RP1: variants seen among roughly 807,000 people sequenced by gnomAD.
RP1 encodes oxygen-regulated protein 1.
In RP1, 16 loss-of-function variants were observed where a neutral mutation model predicts 14.8. The ratio of observed to expected loss-of-function variants is 1.08; its 90% CI spans 0.73 to 1.65. RP1 has a LOEUF of 1.65. Ranked by LOEUF, RP1 falls within the 40% of genes most tolerant of loss-of-function variation. The pLI is 0.00. For synonymous variants in RP1, 876 were observed against 883.6 expected, an observed-to-expected ratio of 0.99 and a Z score of 0.15; for missense variants, 2,631 against 2,535.0, an observed-to-expected ratio of 1.04 and a Z score of -0.81.
At chr8:54,718,773 C>A (rs1029353016) in intron 15 of RP1, among the ~76,000 whole-genome samples, 6 of 152,140 alleles carry the variant, frequency 3.9e-5, no homozygotes, top group Non-Finnish European at 1.5e-5. Flanking sequence ...AATTATAGGA[C>A]ATTCTGGAAA....
chr8:54,686,632 C>T (rs186350142), intron 12 of RP1, among the ~76,000 whole-genome samples: 2 of 152,128 alleles, frequency 1.3e-5, no homozygotes, highest in East Asian at 1.9e-4. Flanking sequence ...ACAACATTGA[C>T]AATGGCAGTC....
chr8:54,615,334 T>C (rs1805690111), upstream of RP1, among the ~76,000 whole-genome samples: 2 of 152,198 alleles, frequency 1.3e-5, no homozygotes, highest in Admixed American at 1.3e-4. Context: ...CTGGTCCTGT[T>C]TCCCCAGAGG....
At chr8:54,655,389 A>G (rs1010663746) in intron 5 of RP1, among the ~76,000 whole-genome samples, 2 of 152,146 alleles carry the variant, frequency 1.3e-5, no homozygotes, top group African/African-American at 4.8e-5. Flanking sequence ...TGATTTTCAT[A>G]TTTTTCAGTT....
chr8:54,624,568 C>T, intron 3 of RP1, 102 bp from the exon 4 acceptor site: 3 of 1,129,504 alleles, frequency 2.7e-6, no homozygotes, highest in Non-Finnish European at 3.9e-6. Context: ...TTCCCCTTTT[C>T]TCTTTCTTTT....
Position 54,624,702 on chromosome 8 carries a change from C to A in RP1, c.820C>A (p.Gln274Lys), listed in dbSNP as rs776541829. ...STHMSSSSRS[Q>K]IYSVSSEKTH... The stretch of plus-strand genomic sequence containing the variant: ...ACATATGTCTTCAAGCTCAAGGTCC[C>A]AGATTTATTCTGTTTCTTCTGAGAA... The change falls in exon 4 of 4, where the codon CAG becomes AAG. Residue 274 changes from glutamine to lysine, a missense_variant. By Grantham distance (53) the Gln-to-Lys change is moderately conservative (BLOSUM62 1). Coordinates refer to ENST00000220676, the MANE Select transcript of RP1 (RefSeq NM_006269.2). 1.5e-5 allele frequency: 24 copies of A among 1,613,750 alleles called. No individual in the cohort carries two copies. Among genetic ancestry groups the A allele is most frequent in the South Asian group, 2.2e-5 (2 of 91,064 alleles).
At chr8:54,677,081 G>A (rs1249705589) in intron 8 of RP1, among the ~76,000 whole-genome samples, 2 of 151,132 alleles carry the variant, frequency 1.3e-5, no homozygotes, top group Non-Finnish European at 2.9e-5. Flanking sequence ...TTCAATGCTT[G>A]GGGTCTTATC....
intron 15 of RP1, among the ~76,000 whole-genome samples, chr8:54,718,253 A>G (rs548181133): frequency 6.6e-6 from 1 of 152,320 alleles, no homozygotes; most frequent in African/African-American, 2.4e-5. Context: ...CAGACCCAGA[A>G]TAGCCAACAT....
At chr8:54,763,061 G>A (rs1363714890) in intron 22 of RP1, among the ~76,000 whole-genome samples, 1 of 152,082 alleles carries the variant, frequency 6.6e-6, no homozygotes, top group East Asian at 1.9e-4. Flanking sequence ...CATGAATTTT[G>A]GGGGAACACT....
At chr8:54,655,363 A>G (rs756881289) in intron 5 of RP1, among the ~76,000 whole-genome samples, 2 of 152,192 alleles carry the variant, frequency 1.3e-5, no homozygotes, top group Non-Finnish European at 2.9e-5. Flanking sequence ...CAGAAAATAT[A>G]ATTTTTACTT....
intron 17 of RP1, among the ~76,000 whole-genome samples, chr8:54,728,220 C>G (rs1415826414): frequency 2.0e-5 from 3 of 152,186 alleles, no homozygotes; most frequent in East Asian, 1.9e-4. Context: ...AAGTCTCTCT[C>G]TCATCTGTTA....
At position 54,621,424 on chromosome 8, in the gene RP1, C is replaced by A. The variant is rs746948177; in HGVS notation, c.458C>A (p.Pro153Gln). The A allele has an allele frequency of 6.2e-7, 1 of 1,613,710 alleles. No homozygotes were observed. The highest frequency in any genetic ancestry group is 8.5e-7 in the Non-Finnish European group (1 of 1,180,008). Residue 153 changes from proline (P) to glutamine (Q), a missense_variant, in exon 2 of 4, where the codon CCA (proline) becomes CAA (glutamine). By Grantham distance (76) the Pro-to-Gln change is moderately conservative. Transcript: ENST00000220676. ...GCTGCTCCCGGCATGCCCCGCCCCC[C>A]ACGGAGCCTAGTGGTCTTCAGGAAT... ...AVAAPGMPRP[P>Q]RSLVVFRNGD... is the part of the protein sequence containing the mutation.
intron 24 of RP1, among the ~76,000 whole-genome samples, chr8:54,835,682 G>C (rs1169510465): frequency 6.6e-6 from 1 of 152,166 alleles, no homozygotes; most frequent in Non-Finnish European, 1.5e-5. Context: ...TGGGGGCACT[G>C]AAGCTTAGAG....
Position 54,867,206 on chromosome 8 carries a change from A to G in RP1, c.4151+1290A>G, listed in dbSNP as rs554923820. Among the ~76,000 whole-genome samples the G allele has an allele frequency of 7.9e-5, 12 of 152,316 alleles. No homozygotes were observed. The East Asian group carries it at 1.3e-3, about 17-fold the overall frequency. Reference sequence around the variant, plus strand: ...TTGACTGACTGGATTTTACCTTACTATAGTTTCGATTCTAGGAAATAGTCA... The same window carrying G: ...TTGACTGACTGGATTTTACCTTACTGTAGTTTCGATTCTAGGAAATAGTCA... On this transcript the variant is annotated intron_variant, in intron 28 of 28. Transcript: ENST00000637698.
intron 24 of RP1, among the ~76,000 whole-genome samples, chr8:54,795,282 T>C (rs1810553244): frequency 6.6e-6 from 1 of 152,138 alleles, no homozygotes; most frequent in South Asian, 2.1e-4. Flanking sequence ...TGCACCCATG[T>C]GGTCATTGCA....
chr8:54,724,749 C>G (rs976904675), intron 16 of RP1, among the ~76,000 whole-genome samples: 27 of 152,164 alleles, frequency 1.8e-4, no homozygotes, highest in African/African-American at 6.5e-4. Context: ...TAGGAACTTG[C>G]TGGATGACAT....
chr8:54,819,068 T>C (rs1240018764), intron 24 of RP1, among the ~76,000 whole-genome samples: 1 of 152,074 alleles, frequency 6.6e-6, no homozygotes, highest in East Asian at 1.9e-4. Context: ...TCTCTCTCTC[T>C]CTCTCTTCCT....
chr8:54,676,012 T>C (rs1412522108), intron 8 of RP1, among the ~76,000 whole-genome samples: 1 of 152,066 alleles, frequency 6.6e-6, no homozygotes, highest in Admixed American at 6.6e-5. Flanking sequence ...AAGGCCTCGC[T>C]AGTTCCCTGA....
chr8:54,634,099 A>C (rs1295585462), downstream of RP1, among the ~76,000 whole-genome samples: 1 of 152,188 alleles, frequency 6.6e-6, no homozygotes, highest in African/African-American at 2.4e-5. Context: ...GAAGGATTCC[A>C]TTACTGCCCA....
intron 25 of RP1, among the ~76,000 whole-genome samples, chr8:54,847,023 C>T (rs898019874): frequency 1.3e-5 from 2 of 152,194 alleles, no homozygotes; most frequent in African/African-American, 4.8e-5. Context: ...TGCCTTTCCT[C>T]TCCTCCTGGC....
Sources: gnomAD v4.1 joint callset for allele counts (sites outside exome capture counted in the v4.1 genomes callset) on GRCh38, gnomAD v4.1.1 for gene constraint, MANE v1.5 for transcripts, NCBI Gene and HGNC (gene_info 2026-07-23, HGNC 2026-07-21) for gene names.